ECSCR: variants seen among roughly 807,000 people sequenced by gnomAD.
ECSCR encodes the protein endothelial cell surface expressed chemotaxis and apoptosis regulator.
Under a neutral mutation model 16.7 loss-of-function variants are expected in ECSCR, and 12 were observed. The ratio of observed to expected loss-of-function variants is 0.72; its 90% confidence interval spans 0.46 to 1.17. The LOEUF is 1.17. ECSCR is among the 50% of genes most tolerant of loss of function. ECSCR has a pLI of 0.00. For missense variants in ECSCR, 122 were observed against 116.1 expected (o/e 1.05, Z -0.23); for synonymous variants, 44 against 42.2 (o/e 1.04, Z -0.17).
chr5:139,454,737 G>A (rs1416962906), intron 7 of ECSCR, 88 bp downstream of exon 7: 2 of 398,294 alleles, frequency 5.0e-6, no homozygotes, highest in African/African-American at 4.1e-5. Flanking sequence ...GGCTCATGGA[G>A]TGGCAGATGC....
chr5:139,450,878 A>G (rs1751026508), intron 8 of ECSCR, among the ~76,000 whole-genome samples: 1 of 152,230 alleles, frequency 6.6e-6, no homozygotes, highest in Non-Finnish European at 1.5e-5. Context: ...GAAGTATTCA[A>G]TAAGTGGTTC....
chr5:139,455,888 C>A (rs1278431680), intron 5 of ECSCR, among the ~76,000 whole-genome samples: 6 of 149,546 alleles, frequency 4.0e-5, no homozygotes, highest in African/African-American at 1.5e-4. Flanking sequence ...CTTTGGGAGG[C>A]CGAGGCGGGC....
chr5:139,450,896 T>C (rs1751026790), intron 8 of ECSCR, among the ~76,000 whole-genome samples: 2 of 152,214 alleles, frequency 1.3e-5, no homozygotes, highest in Admixed American at 1.3e-4. Flanking sequence ...TTCCTAAGCT[T>C]AGAGATAATG....
chr5:139,459,395 T>C (rs1180053034), intron 1 of ECSCR, among the ~76,000 whole-genome samples: 1 of 152,078 alleles, frequency 6.6e-6, no homozygotes, highest in Non-Finnish European at 1.5e-5. Context: ...AGAGGATACA[T>C]AGGAAATGGT....
chr5:139,458,315 G>GT (rs1446643262), intron 1 of ECSCR, 132 bp from the exon 2 acceptor site: 11 of 712,830 alleles, frequency 1.5e-5, no homozygotes, highest in African/African-American at 9.3e-5. Context: ...AAAAAATTTT[G>GT]TTTTGTTTTG....
chr5:139,448,674 G>A lies in ECSCR; in HGVS notation c.*226C>T, dbSNP rs1750961746. ...CTGTGGCTCTGAGGAGGTGGGAGAA[G>A]CAGGCAGTATTTCCACAGCAGCTGT... is the stretch of plus-strand genomic sequence containing the variant. On this transcript the variant is annotated 3_prime_UTR_variant, in exon 10 of 10. Coordinates refer to ENST00000618155, the MANE Select transcript of ECSCR (RefSeq NM_001077693.4). 7.5e-7 allele frequency: 1 copy of A among 1,341,070 alleles called. No homozygotes were observed. Among genetic ancestry groups the A allele is most frequent in the Non-Finnish European group, 9.7e-7 (1 of 1,032,092 alleles). 83.1% of individuals were successfully genotyped at this position (1,341,070 alleles called of 1,614,324 possible).
chr5:139,455,405 G>A lies in ECSCR; in HGVS notation c.294C>T (p.Thr98=), dbSNP rs1412961285. The A allele has an allele frequency of 1.3e-5, 5 of 398,562 alleles. No homozygotes were observed. Among genetic ancestry groups the A allele is most frequent in the African/African-American group, 1.0e-4 (5 of 48,614 alleles). The allele number at this position is 398,562 out of a possible 1,614,324, so 24.7% of individuals were successfully genotyped here. The part of the protein sequence containing the change: ...DTFQTVPPNS[T]TMSLSMREDA... ...CTTCCCTCATGCTCAGGCTCATGGT[G>A]GTTGAATTGGGGGGAACAGTTTGAA... The change falls in exon 6 of 10, where the codon ACC becomes ACT. Residue 98 remains threonine (T), a synonymous_variant. Coordinates refer to ENST00000618155, the MANE Select transcript of ECSCR (RefSeq NM_001077693.4).
chr5:139,451,716 G>C (rs1227908075), intron 8 of ECSCR, among the ~76,000 whole-genome samples: 3 of 141,316 alleles, frequency 2.1e-5, no homozygotes, highest in Non-Finnish European at 4.7e-5. Flanking sequence ...TGTGTTTGTG[G>C]TGTGTGTGTG....
At chr5:139,456,410 C>T (rs959771406) in intron 5 of ECSCR, 64 bp downstream of exon 5, 149 of 398,138 alleles carry the variant, frequency 3.7e-4, no homozygotes, top group South Asian at 8.9e-4. Flanking sequence ...AGGGATAAGA[C>T]GAGAGAAAGG....
intron 1 of ECSCR, among the ~76,000 whole-genome samples, chr5:139,461,761 G>A (rs920984388): frequency 6.6e-6 from 1 of 152,088 alleles, no homozygotes; most frequent in Non-Finnish European, 1.5e-5. Context: ...ACCCACCACC[G>A]ACGAGGGGCC....
intron 8 of ECSCR, among the ~76,000 whole-genome samples, chr5:139,450,189 G>A (rs1751008778): frequency 6.6e-6 from 1 of 151,932 alleles, no homozygotes; most frequent in Non-Finnish European, 1.5e-5. Flanking sequence ...CACCGCGCCT[G>A]GCCTAAAGCC....
At chr5:139,451,717 T>G (rs1751053515) in intron 8 of ECSCR, among the ~76,000 whole-genome samples, 1 of 119,958 alleles carries the variant, frequency 8.3e-6, no homozygotes, top group African/African-American at 3.2e-5. Flanking sequence ...GTGTTTGTGG[T>G]GTGTGTGTGG....
At chr5:139,450,607 C>G (rs1042197337) in intron 8 of ECSCR, among the ~76,000 whole-genome samples, 1 of 151,492 alleles carries the variant, frequency 6.6e-6, no homozygotes, top group Non-Finnish European at 1.5e-5. Context: ...GAAACCCTGT[C>G]TCTACTAAAA....
At chr5:139,458,320 G>A in intron 1 of ECSCR, 137 bp from the exon 2 acceptor site, 1 of 670,724 alleles carries the variant, frequency 1.5e-6, no homozygotes, top group Non-Finnish European at 2.4e-6. Flanking sequence ...ATTTTGTTTT[G>A]TTTTGTTTTT....
intron 5 of ECSCR, among the ~76,000 whole-genome samples, chr5:139,456,222 C>T (rs932611105): frequency 3.3e-5 from 5 of 152,050 alleles, no homozygotes; most frequent in Non-Finnish European, 7.4e-5. Flanking sequence ...GGGATCGCAC[C>T]GCTGCACTCC....
chr5:139,448,793 A>G lies in ECSCR; in HGVS notation c.*107T>C. On this transcript the variant is annotated 3_prime_UTR_variant, in exon 10 of 10. Transcript: ENST00000618155. ...GATCTAGAAGCAGACATGAAACAAT[A>G]AAATAATTTACATGTGGTTCATTGC... 1.3e-6 allele frequency: 2 copies of G among 1,508,684 alleles called. No homozygotes were observed. Among genetic ancestry groups the G allele is most frequent in the East Asian group, 2.5e-5 (1 of 40,696 alleles). 93.5% of individuals were successfully genotyped at this position (1,508,684 alleles called of 1,614,324 possible).
At chr5:139,452,104 C>T (rs1364631605) in intron 8 of ECSCR, among the ~76,000 whole-genome samples, 1 of 130,472 alleles carries the variant, frequency 7.7e-6, no homozygotes, top group Non-Finnish European at 1.6e-5. Flanking sequence ...TGTGGATGTG[C>T]ATGGGGTGTG....
chr5:139,451,138 G>A (rs1374410143), intron 8 of ECSCR, among the ~76,000 whole-genome samples: 2 of 151,166 alleles, frequency 1.3e-5, no homozygotes, highest in Non-Finnish European at 3.0e-5. Flanking sequence ...GGTATGTGGT[G>A]TGAGGTGTTG....
At chr5:139,455,969 A>G (rs1196740102) in intron 5 of ECSCR, among the ~76,000 whole-genome samples, 2 of 152,060 alleles carry the variant, frequency 1.3e-5, no homozygotes, top group Non-Finnish European at 1.5e-5. Context: ...TAAAAATACA[A>G]AAATTAGCCG....
Sources: allele counts gnomAD v4.1 joint callset (sites outside exome capture counted in the v4.1 genomes callset), GRCh38; gene constraint gnomAD v4.1.1; transcripts MANE v1.5; gene names NCBI Gene and HGNC (gene_info 2026-07-23, HGNC 2026-07-21).